PTPRN2: variants seen among roughly 807,000 people sequenced by gnomAD.
PTPRN2 encodes protein tyrosine phosphatase receptor type N2.
Under a neutral mutation model 118.8 loss-of-function variants are expected in PTPRN2, and 74 were observed. That is an observed-to-expected ratio of 0.62 (90% CI 0.52 to 0.76). The LOEUF (loss-of-function observed/expected upper bound fraction) is 0.76, where lower values mean the gene tolerates loss of function less well. PTPRN2 is among the 30% of genes least tolerant of loss of function. PTPRN2 has a pLI of 0.00. For missense variants in PTPRN2, 1,481 were observed against 1,394.4 expected, an observed-to-expected ratio of 1.06 and a Z score of -0.99; for synonymous variants, 641 against 608.0, an observed-to-expected ratio of 1.05 and a Z score of -0.80.
chr7:158,439,701 A>G (rs1816843782), intron 2 of PTPRN2, among the ~76,000 whole-genome samples: 1 of 152,246 alleles, frequency 6.6e-6, no homozygotes, highest in Non-Finnish European at 1.5e-5. Context: ...TGCATCTTCC[A>G]TAGACATAGA....
intron 11 of PTPRN2, among the ~76,000 whole-genome samples, chr7:157,910,306 G>A (rs111471652): frequency 6.7e-6 from 1 of 148,722 alleles, no homozygotes; most frequent in African/African-American, 2.5e-5. Flanking sequence ...CACGTACGCC[G>A]TGGGGACGGG....
rs535294970 is a variant in PTPRN2, at chr7:157,658,518, G to T, written c.2002-1967C>A. ...CAAAGCTCAACCACACACGCGGTGG[G>T]CATCCCGAGCACCTGCCCGGCCGTA... On this transcript the variant is annotated intron_variant, in intron 13 of 22. Transcript: ENST00000389418. Among the ~76,000 whole-genome samples, 215 of 152,280 alleles carry T rather than the reference G, an allele frequency of 1.4e-3. No homozygotes were observed. The Middle Eastern group carries it at 0.024, about 17-fold the overall frequency.
chr7:158,130,212 G>C lies in PTPRN2; in HGVS notation c.1556+3465C>G, dbSNP rs1004865066. Reference sequence around the variant, plus strand: ...CACCAGCCCGAGCACTGCGAGGCTCGCAGAGCCCGCAGGACAGATGGGTTC... The same window carrying C: ...CACCAGCCCGAGCACTGCGAGGCTCCCAGAGCCCGCAGGACAGATGGGTTC... On this transcript the variant is annotated intron_variant, in intron 9 of 22. Transcript: ENST00000389418. Among the ~76,000 whole-genome samples the C allele has an allele frequency of 5.3e-5, 8 of 152,330 alleles. 1 individual carries two copies. Among genetic ancestry groups the C allele is most frequent in the African/African-American group, 1.9e-4 (8 of 41,562 alleles).
intron 2 of PTPRN2, among the ~76,000 whole-genome samples, chr7:158,436,974 A>T (rs757263210): frequency 7.9e-5 from 12 of 152,210 alleles, no homozygotes; most frequent in Non-Finnish European, 1.3e-4. Flanking sequence ...TAGATTTTTT[A>T]AAATCCAAGC....
intron 12 of PTPRN2, among the ~76,000 whole-genome samples, chr7:157,826,556 G>A (rs1485852021): frequency 6.8e-6 from 1 of 146,018 alleles, no homozygotes; most frequent in Non-Finnish European, 1.5e-5. Context: ...CGCGTGCTGT[G>A]CAAAGATGGC....
At position 158,242,987 on chromosome 7, in the gene PTPRN2, C is replaced by G. The variant is rs1795983847; in HGVS notation, c.278-37714G>C. The stretch of plus-strand genomic sequence containing the variant: ...ACAACTCCCAATTTTGATGATCTTT[C>G]CTATTGTTTTTCTAGGCTATTTGAC... On this transcript the variant is annotated intron_variant, in intron 3 of 22. Coordinates refer to ENST00000389418, the MANE Select transcript of PTPRN2 (RefSeq NM_002847.5). Among the ~76,000 whole-genome samples the G allele has an allele frequency of 3.3e-5, 5 of 152,162 alleles. No homozygotes were observed. The South Asian group carries it at 1.0e-3, about 32-fold the overall frequency.
At chr7:158,543,374 A>C (rs1826105902) in intron 1 of PTPRN2, among the ~76,000 whole-genome samples, 1 of 152,226 alleles carries the variant, frequency 6.6e-6, no homozygotes, top group South Asian at 2.1e-4. Flanking sequence ...TGTTCCCAGC[A>C]GGGCTGTGCC....
chr7:157,545,630 C>T (rs113678937), intron 22 of PTPRN2, among the ~76,000 whole-genome samples: 1 of 151,992 alleles, frequency 6.6e-6, no homozygotes, highest in Non-Finnish European at 1.5e-5. Context: ...AGTTTGTGGT[C>T]GGGGACTGAG....
At chr7:158,500,208 C>T (rs1002493436) in intron 1 of PTPRN2, among the ~76,000 whole-genome samples, 2 of 152,312 alleles carry the variant, frequency 1.3e-5, no homozygotes, top group African/African-American at 2.4e-5. Context: ...ATTGTTACTA[C>T]AGTTTCCCCT....
chr7:158,550,619 G>A (rs529169456), intron 1 of PTPRN2, among the ~76,000 whole-genome samples: 1 of 152,344 alleles, frequency 6.6e-6, no homozygotes, highest in East Asian at 1.9e-4. Flanking sequence ...CGCCTCCCAG[G>A]TGGTTTGACT....
At chr7:157,584,622 AGCTCATTTCT>A (rs1423016234) in intron 17 of PTPRN2, among the ~76,000 whole-genome samples, 4 of 152,248 alleles carry the variant, frequency 2.6e-5, no homozygotes, top group African/African-American at 9.6e-5. Context: ...TCTGCTGCAC[AGCTCATTTCT>A]GCTCATTTCT....
intron 12 of PTPRN2, among the ~76,000 whole-genome samples, chr7:157,790,639 T>G (rs1333368883): frequency 6.6e-6 from 1 of 152,152 alleles, no homozygotes; most frequent in Admixed American, 6.5e-5. Flanking sequence ...ATTCCAATAT[T>G]AAAAAGTCAG....
At chr7:158,112,012 A>G (rs1816322633) in intron 9 of PTPRN2, among the ~76,000 whole-genome samples, 1 of 152,090 alleles carries the variant, frequency 6.6e-6, no homozygotes, top group Non-Finnish European at 1.5e-5. Context: ...ACCACCCACA[A>G]GCTGAAGTCA....
At chr7:158,075,523 G>A (rs1812278672) in intron 11 of PTPRN2, among the ~76,000 whole-genome samples, 1 of 152,148 alleles carries the variant, frequency 6.6e-6, no homozygotes, top group Admixed American at 6.5e-5. Context: ...GGTCCAGCAG[G>A]AGACGGGCAC....
chr7:158,006,108 G>A (rs1052149314), intron 11 of PTPRN2, among the ~76,000 whole-genome samples: 1 of 152,168 alleles, frequency 6.6e-6, no homozygotes, highest in African/African-American at 2.4e-5. Flanking sequence ...TGGGGCACCT[G>A]CTGCCCCTTC....
At chr7:157,821,056 C>T (rs552352704) in intron 12 of PTPRN2, among the ~76,000 whole-genome samples, 89 of 152,336 alleles carry the variant, frequency 5.8e-4, no homozygotes, top group Non-Finnish European at 9.8e-4. Flanking sequence ...GCCAGGCATA[C>T]TGGACAGCTT....
At chr7:157,710,512 C>T (rs1289194856) in intron 12 of PTPRN2, among the ~76,000 whole-genome samples, 3 of 115,984 alleles carry the variant, frequency 2.6e-5, no homozygotes, top group African/African-American at 3.3e-5. Flanking sequence ...CAGGATGTTT[C>T]CCAGGGCAGA....
intron 2 of PTPRN2, among the ~76,000 whole-genome samples, chr7:158,461,723 G>C (rs1819007178): frequency 6.6e-6 from 1 of 152,210 alleles, no homozygotes; most frequent in Admixed American, 6.5e-5. Flanking sequence ...TTGGCCACCT[G>C]CTGTAGAGGC....
chr7:157,982,511 C>CA (rs1803347597), intron 11 of PTPRN2, among the ~76,000 whole-genome samples: 1 of 131,258 alleles, frequency 7.6e-6, no homozygotes. Context: ...AGGGTCCCCC[C>CA]AAACCCTGAG....
Sources: allele counts gnomAD v4.1 joint callset (sites outside exome capture counted in the v4.1 genomes callset), GRCh38; gene constraint gnomAD v4.1.1; transcripts MANE v1.5; gene names NCBI Gene and HGNC (gene_info 2026-07-23, HGNC 2026-07-21).